PREP: variants seen among roughly 807,000 people sequenced by gnomAD.
The protein encoded by PREP is dJ355L5.1 (prolyl endopeptidase).
Under a neutral mutation model 87.6 loss-of-function variants are expected in PREP, and 29 were observed. The ratio of observed to expected loss-of-function variants is 0.33; its 90% CI spans 0.25 to 0.45. PREP has a LOEUF of 0.45. Among genes scored for constraint, PREP ranks in the 20% least tolerant of loss-of-function variants. The pLI is 1.00. For synonymous variants in PREP, 337 were observed against 328.6 expected (o/e 1.03, Z -0.28); for missense variants, 695 against 886.5 (o/e 0.78, Z 2.74).
At chr6:105,307,958 A>C (rs1277893640) in intron 10 of PREP, among the ~76,000 whole-genome samples, 1 of 152,130 alleles carries the variant, frequency 6.6e-6, no homozygotes, top group East Asian at 1.9e-4. Context: ...TCACTTGAAA[A>C]TTCCTTTTTA....
chr6:105,286,043 T>C lies in PREP; in HGVS notation c.1455-463A>G, dbSNP rs531466508. Reference sequence around the variant, plus strand: ...CGCCTGCTTTGGCCTCCCAAAGTGCTGGGATTACAGGCGTGAACCACTGCA... The same window carrying C: ...CGCCTGCTTTGGCCTCCCAAAGTGCCGGGATTACAGGCGTGAACCACTGCA... On this transcript the variant is annotated intron_variant, in intron 11 of 14. Coordinates refer to ENST00000652536, the MANE Select transcript of PREP (RefSeq NM_002726.5). 2.0e-5 allele frequency among the ~76,000 whole-genome samples: 3 copies of C among 152,362 alleles called. No homozygotes were observed. In the South Asian group the frequency reaches 6.2e-4, roughly 32 times the overall value.
intron 4 of PREP, among the ~76,000 whole-genome samples, chr6:105,375,629 T>G (rs1011213960): frequency 6.6e-6 from 1 of 152,250 alleles, no homozygotes; most frequent in Admixed American, 6.5e-5. Context: ...ACAAGATTTG[T>G]GTGTTTTTAC....
At chr6:105,361,056 T>C (rs905367057) in intron 6 of PREP, among the ~76,000 whole-genome samples, 1 of 152,214 alleles carries the variant, frequency 6.6e-6, no homozygotes, top group Non-Finnish European at 1.5e-5. Flanking sequence ...AAAATGGGTA[T>C]ATATTTTAAA....
chr6:105,274,624 C>T lies in PREP; in HGVS notation c.*3520G>A, dbSNP rs948694922. Reference sequence around the variant, plus strand: ...CTACTAAAAATACAAAAAGATTAGCCGGGAATGATGGTATGCGCCTGTAAT... The same window carrying T: ...CTACTAAAAATACAAAAAGATTAGCTGGGAATGATGGTATGCGCCTGTAAT... On this transcript the variant is annotated 3_prime_UTR_variant, in exon 15 of 15. Coordinates refer to ENST00000652536, the MANE Select transcript of PREP (RefSeq NM_002726.5). Among the ~76,000 whole-genome samples, 20 of 152,122 alleles carry T rather than the reference C, an allele frequency of 1.3e-4. No homozygotes were observed. The highest frequency in any genetic ancestry group is 4.1e-4 in the African/African-American group (17 of 41,508).
chr6:105,381,517 A>G (rs1772836844), intron 2 of PREP, among the ~76,000 whole-genome samples: 1 of 152,226 alleles, frequency 6.6e-6, no homozygotes, highest in South Asian at 2.1e-4. Context: ...TGAGGAAAAC[A>G]CAAATTCCTT....
At chr6:105,326,093 T>C (rs1467449274) in intron 9 of PREP, among the ~76,000 whole-genome samples, 1 of 152,210 alleles carries the variant, frequency 6.6e-6, no homozygotes, top group Admixed American at 6.5e-5. Context: ...GATTTTGTTT[T>C]AACTGATTTT....
intron 11 of PREP, 74 bp from the exon 12 acceptor site, chr6:105,285,654 A>G (rs1225074709): frequency 1.7e-6 from 2 of 1,197,496 alleles, no homozygotes; most frequent in East Asian, 4.7e-5. Context: ...TCCATCTCAA[A>G]AAAGTGTATG....
chr6:105,345,904 T>C (rs528326015), intron 7 of PREP, among the ~76,000 whole-genome samples: 138 of 152,336 alleles, frequency 9.1e-4, no homozygotes, highest in African/African-American at 2.0e-3. Flanking sequence ...AAATGTTACA[T>C]AAACAGTATT....
intron 10 of PREP, chr6:105,322,133 A>G (rs1210063): frequency 0.95 from 229,401 of 240,316 alleles, 109,545 homozygotes; most frequent in East Asian, 1. Flanking sequence ...GATGTTAGAA[A>G]ATTGGTATAG....
At chr6:105,306,374 T>C (rs574832575) in intron 10 of PREP, among the ~76,000 whole-genome samples, 22 of 152,224 alleles carry the variant, frequency 1.4e-4, no homozygotes, top group Non-Finnish European at 2.8e-4. Flanking sequence ...TTCAGCGCAT[T>C]TCCAGTAATA....
intron 5 of PREP, among the ~76,000 whole-genome samples, chr6:105,369,360 T>C (rs1385811581): frequency 6.6e-6 from 1 of 152,242 alleles, no homozygotes; most frequent in African/African-American, 2.4e-5. Context: ...ATAGGAAGAC[T>C]CAACATTGTC....
chr6:105,386,013 G>C (rs989247751), intron 2 of PREP, among the ~76,000 whole-genome samples: 4 of 152,104 alleles, frequency 2.6e-5, no homozygotes, highest in Non-Finnish European at 4.4e-5. Flanking sequence ...CCAGCTACTC[G>C]GGAGGCTGAG....
At chr6:105,288,942 T>C (rs752346552) in intron 10 of PREP, 48 bp from the exon 11 acceptor site, 1 of 1,559,368 alleles carries the variant, frequency 6.4e-7, no homozygotes, top group South Asian at 1.1e-5. Context: ...ACTTAGTAGA[T>C]ACTGCGTGCT....
At position 105,352,973 on chromosome 6, in the gene PREP, C is replaced by T. The variant is rs9500085; in HGVS notation, c.822G>A (p.Ala274=). 9.3e-6 allele frequency: 15 copies of T among 1,610,514 alleles called. No individual in the cohort carries two copies. Among genetic ancestry groups the T allele is most frequent in the African/African-American group, 4.0e-5 (3 of 74,756 alleles). The change falls in exon 7 of 15, where the codon GCG becomes GCA. Residue 274 remains alanine (A), a splice_region_variant and synonymous_variant. Transcript: ENST00000652536. ...CDLQQESSGI[A]GILKWVKLID... ...TCTGTGTCTGAAAAAATAACTCACC[C>T]GCGATGCCACTGGATTCCTGCTGTA...
intron 10 of PREP, among the ~76,000 whole-genome samples, chr6:105,320,761 G>C (rs746682694): frequency 6.6e-6 from 1 of 152,288 alleles, no homozygotes; most frequent in Middle Eastern, 3.4e-3. Context: ...CCAGGGTCAA[G>C]TGGAATCAAA....
At chr6:105,350,917 G>A (rs57139017) in intron 7 of PREP, among the ~76,000 whole-genome samples, 22,609 of 152,122 alleles carry the variant, frequency 0.15, 2,466 homozygotes, top group African/African-American at 0.3. Flanking sequence ...TCAGTATGCC[G>A]CTCAACAGCT....
chr6:105,291,899 A>G (rs1044322165), intron 10 of PREP, among the ~76,000 whole-genome samples: 1 of 152,224 alleles, frequency 6.6e-6, no homozygotes. Flanking sequence ...CTTCACCAGG[A>G]GTAGATTCCA....
chr6:105,349,898 TAAAAAA>T (rs1162063177), intron 7 of PREP, among the ~76,000 whole-genome samples: 28 of 59,456 alleles, frequency 4.7e-4, no homozygotes, highest in African/African-American at 1.3e-3. Flanking sequence ...GGGAAGCAGG[TAAAAAA>T]AAAAAAAAAA....
At chr6:105,336,937 C>T (rs1771497832) in intron 7 of PREP, among the ~76,000 whole-genome samples, 1 of 151,960 alleles carries the variant, frequency 6.6e-6, no homozygotes, top group Non-Finnish European at 1.5e-5. Flanking sequence ...CCTCCTTAGC[C>T]TAATAACTGA....
Sources: gnomAD v4.1 joint callset for allele counts (sites outside exome capture counted in the v4.1 genomes callset) on GRCh38, gnomAD v4.1.1 for gene constraint, MANE v1.5 for transcripts, NCBI Gene and HGNC (gene_info 2026-07-23, HGNC 2026-07-21) for gene names.